BICC1: variants seen among roughly 807,000 people sequenced by gnomAD.
BICC1 encodes the protein BicC family RNA binding protein 1.
BICC1 carries 43 observed loss-of-function variants against 111.0 expected under a neutral mutation model. The ratio of observed to expected loss-of-function variants is 0.39; its 90% CI spans 0.30 to 0.50. The LOEUF is 0.50. Ranked by LOEUF, BICC1 falls within the 20% of genes least tolerant of loss-of-function variation. The pLI is 0.88. For missense variants in BICC1, 1,091 were observed against 1,203.2 expected (o/e 0.91, Z 1.38); for synonymous variants, 467 against 434.4 (o/e 1.07, Z -0.93).
At chr10:58,762,277 A>G (rs1444252048) in intron 3 of BICC1, among the ~76,000 whole-genome samples, 6 of 152,192 alleles carry the variant, frequency 3.9e-5, no homozygotes, top group Admixed American at 3.3e-4. Flanking sequence ...ACGAAAATGT[A>G]AGAAATGCCA....
chr10:58,642,598 G>C (rs1252524272), intron 2 of BICC1, among the ~76,000 whole-genome samples: 1 of 152,086 alleles, frequency 6.6e-6, no homozygotes, highest in Admixed American at 6.6e-5. Flanking sequence ...AAGTGTGGTT[G>C]ACTGTACAAC....
At chr10:58,626,328 C>T (rs919935122) in intron 2 of BICC1, among the ~76,000 whole-genome samples, 2 of 152,138 alleles carry the variant, frequency 1.3e-5, no homozygotes, top group Non-Finnish European at 2.9e-5. Flanking sequence ...GTTCCAGTGA[C>T]AGAATCCGTG....
intron 3 of BICC1, among the ~76,000 whole-genome samples, chr10:58,723,516 A>G (rs1040352354): frequency 6.6e-6 from 1 of 152,190 alleles, no homozygotes; most frequent in Non-Finnish European, 1.5e-5. Context: ...AAGTGGAGAA[A>G]GCAGAGAGGG....
At chr10:58,811,526 G>A (rs1200605847) in intron 17 of BICC1, among the ~76,000 whole-genome samples, 2 of 152,190 alleles carry the variant, frequency 1.3e-5, no homozygotes, top group Non-Finnish European at 2.9e-5. Flanking sequence ...CCAGAAGTTA[G>A]TGAAGGCGTC....
intron 1 of BICC1, among the ~76,000 whole-genome samples, chr10:58,566,209 C>T (rs1395245307): frequency 6.6e-6 from 1 of 150,706 alleles, no homozygotes; most frequent in Non-Finnish European, 1.5e-5. Context: ...TACACATGTA[C>T]ACACTTGCAT....
At chr10:58,718,742 A>ATG (rs371273354) in intron 3 of BICC1, among the ~76,000 whole-genome samples, 16,959 of 148,394 alleles carry the variant, frequency 0.11, 1,483 homozygotes, top group East Asian at 0.47. Flanking sequence ...TAGCATGGAA[A>ATG]TGTGTGTGTG....
At chr10:58,742,833 A>G (rs1841712796) in intron 3 of BICC1, among the ~76,000 whole-genome samples, 1 of 152,126 alleles carries the variant, frequency 6.6e-6, no homozygotes, top group Admixed American at 6.5e-5. Context: ...ATTGAAGCTG[A>G]TATTCCTTAA....
At chr10:58,559,925 G>C (rs181403308) in intron 1 of BICC1, among the ~76,000 whole-genome samples, 1 of 151,622 alleles carries the variant, frequency 6.6e-6, no homozygotes, top group African/African-American at 2.4e-5. Flanking sequence ...ACCTGATCAT[G>C]TTGTGTAATT....
In BICC1 at chr10:58,513,085, AGGCGGCAGCGCAGGCAGAGCGGC is replaced by A. The variant is rs1452419238; in HGVS notation, c.-48_-26del. ...CCAGTTGAGCCCGGCCGGCGAGCGG[AGGCGGCAGCGCAGGCAGAGCGGC>A]GGCGGCAGCGGGAGCCCGAGCGCTG... On this transcript the variant is annotated 5_prime_UTR_variant, in exon 1 of 21. Transcript: ENST00000373886. 8.0e-6 allele frequency: 10 copies of A among 1,254,434 alleles called. No individual in the cohort carries two copies. Among genetic ancestry groups the A allele is most frequent in the East Asian group, 6.5e-5 (2 of 30,770 alleles). The allele number at this position is 1,254,434 out of a possible 1,614,324, so 77.7% of individuals were successfully genotyped here. A position where few individuals can be genotyped will look rare whatever the true frequency, so the allele number is the denominator to read the frequency against.
intron 14 of BICC1, 94 bp downstream of exon 14, chr10:58,801,140 G>C: frequency 3.6e-6 from 4 of 1,119,146 alleles, no homozygotes; most frequent in Non-Finnish European, 4.7e-6. Flanking sequence ...TTCAAGTCAT[G>C]TTTGATCTCA....
chr10:58,729,676 A>G (rs1011284902), intron 3 of BICC1, among the ~76,000 whole-genome samples: 1 of 152,190 alleles, frequency 6.6e-6, no homozygotes, highest in African/African-American at 2.4e-5. Context: ...GCTTTTACTC[A>G]TGGTGAAGGC....
chr10:58,686,384 T>C (rs979581262), intron 2 of BICC1, among the ~76,000 whole-genome samples: 1 of 152,200 alleles, frequency 6.6e-6, no homozygotes, highest in African/African-American at 2.4e-5. Context: ...TGGCATTCTC[T>C]GTATTTCCTG....
At chr10:58,793,141 G>T (rs146392438) in intron 8 of BICC1, among the ~76,000 whole-genome samples, 1 of 152,286 alleles carries the variant, frequency 6.6e-6, no homozygotes, top group East Asian at 1.9e-4. Context: ...GCAAAGATTA[G>T]TACCCTTGAT....
chr10:58,682,528 T>A (rs921741163), intron 2 of BICC1, among the ~76,000 whole-genome samples: 2 of 152,176 alleles, frequency 1.3e-5, no homozygotes, highest in Non-Finnish European at 2.9e-5. Flanking sequence ...CTCCAGCACC[T>A]GTTGTTTCCT....
At chr10:58,638,275 T>C (rs938753590) in intron 2 of BICC1, among the ~76,000 whole-genome samples, 10 of 151,614 alleles carry the variant, frequency 6.6e-5, no homozygotes, top group African/African-American at 2.4e-4. Flanking sequence ...TTTAATGTTA[T>C]AGAAAATAAC....
chr10:58,592,906 C>T (rs1844678527), intron 1 of BICC1, among the ~76,000 whole-genome samples: 1 of 146,622 alleles, frequency 6.8e-6, no homozygotes, highest in Non-Finnish European at 1.5e-5. Flanking sequence ...AAAAAAAATC[C>T]TCTGCATTGA....
intron 3 of BICC1, among the ~76,000 whole-genome samples, chr10:58,741,396 A>G (rs1841659254): frequency 6.6e-6 from 1 of 152,204 alleles, no homozygotes; most frequent in African/African-American, 2.4e-5. Flanking sequence ...CGGGGGAAGA[A>G]ATATTAATAC....
At chr10:58,724,341 G>C (rs1003887041) in intron 3 of BICC1, among the ~76,000 whole-genome samples, 5 of 152,154 alleles carry the variant, frequency 3.3e-5, no homozygotes, top group Admixed American at 6.5e-5. Context: ...TATTCTCAGA[G>C]AAATTCAATT....
At chr10:58,640,943 A>G (rs1490100753) in intron 2 of BICC1, among the ~76,000 whole-genome samples, 4 of 152,182 alleles carry the variant, frequency 2.6e-5, no homozygotes, top group African/African-American at 2.4e-5. Context: ...TTAAGTGTCT[A>G]TTTCAACTTT....
Sources: allele counts gnomAD v4.1 joint callset (sites outside exome capture counted in the v4.1 genomes callset), GRCh38; gene constraint gnomAD v4.1.1; transcripts MANE v1.5; gene names NCBI Gene and HGNC (gene_info 2026-07-23, HGNC 2026-07-21).